Variants in PDPR observed in about 807,000 individuals in gnomAD.
PDPR encodes pyruvate dehydrogenase phosphatase regulatory subunit, mitochondrial.
PDPR carries 50 observed loss-of-function variants against 102.2 expected under a neutral mutation model. The observed-to-expected ratio is 0.49, with a 90% confidence interval of 0.39 to 0.62. The LOEUF is 0.62. Ranked by LOEUF, PDPR falls within the 20% of genes least tolerant of loss-of-function variation. PDPR has a pLI of 0.00. For synonymous variants in PDPR, 259 were observed against 406.0 expected (o/e 0.64, Z 4.35); for missense variants, 625 against 1,098.2 (o/e 0.57, Z 6.09).
chr16:70,144,700 T>C (rs948640264), intron 15 of PDPR, among the ~76,000 whole-genome samples, 167 bp downstream of exon 15: 1 of 152,272 alleles, frequency 6.6e-6, no homozygotes, highest in African/African-American at 2.4e-5. Flanking sequence ...CTGACACCTG[T>C]AATCCCAGCA....
intron 17 of PDPR, among the ~76,000 whole-genome samples, chr16:70,151,893 C>G (rs1042468519): frequency 2.0e-5 from 3 of 152,176 alleles, no homozygotes; most frequent in Admixed American, 2.0e-4. Flanking sequence ...GTGAGAAAAA[C>G]GAGTAAATGG....
At chr16:70,122,868 C>CACACACACACACACACACA (rs1555520799) in intron 3 of PDPR, among the ~76,000 whole-genome samples, 6 of 149,820 alleles carry the variant, frequency 4.0e-5, no homozygotes, top group East Asian at 1.9e-4. Flanking sequence ...CACACACACA[C>CACACACACACACACACACA]CAGTTTAGAC....
chr16:70,157,407 G>A lies in PDPR; in HGVS notation c.*528G>A, dbSNP rs921334950. Reference sequence around the variant, plus strand: ...TCTGCTGTGCTGTGGGCTGGCACTCGATACCTCTGGCAAGAGGATGATTAT... The same window carrying A: ...TCTGCTGTGCTGTGGGCTGGCACTCAATACCTCTGGCAAGAGGATGATTAT... On this transcript the variant is annotated 3_prime_UTR_variant, in exon 19 of 19. Coordinates refer to ENST00000288050, the MANE Select transcript of PDPR (RefSeq NM_017990.5). The A allele has an allele frequency of 8.3e-6, 3 of 360,046 alleles. No individual in the cohort carries two copies. Among genetic ancestry groups the A allele is most frequent in the South Asian group, 4.2e-5 (2 of 47,220 alleles). The allele number at this position is 360,046 out of a possible 1,614,324, so 22.3% of individuals were successfully genotyped here.
At chr16:70,139,830 TTCTGTGTTGGC>T (rs1185694514) in intron 11 of PDPR, among the ~76,000 whole-genome samples, 1 of 152,268 alleles carries the variant, frequency 6.6e-6, no homozygotes, top group Non-Finnish European at 1.5e-5. Context: ...AGGACTAAGT[TTCTGTGTTGGC>T]TCTGACCACC....
intron 17 of PDPR, among the ~76,000 whole-genome samples, chr16:70,152,787 C>T (rs1047834278): frequency 2.0e-5 from 3 of 152,290 alleles, no homozygotes; most frequent in African/African-American, 7.2e-5. Context: ...GGAAAACCTT[C>T]TGTTCACTGA....
chr16:70,133,421 C>CTTTTTT lies in PDPR; in HGVS notation c.997+1129_997+1134dup, dbSNP rs1162339028. Among the ~76,000 whole-genome samples the CTTTTTT allele has an allele frequency of 3.9e-5, 4 of 103,734 alleles. 1 individual carries two copies. The highest frequency in any genetic ancestry group is 7.3e-5 in the Non-Finnish European group (4 of 54,598). The allele number at this position is 103,734 out of a possible 152,430, so 68.1% of individuals were successfully genotyped here. A position where few individuals can be genotyped will look rare whatever the true frequency, so the allele number is the denominator to read the frequency against. On this transcript the variant is annotated intron_variant, in intron 9 of 18. Transcript: ENST00000288050. ...ACAGGCATGAGCCACTGCGTCTGGC[C>CTTTTTT]TTTTTTTTTTTTTGAGATAAGAGTC...
intron 18 of PDPR, 35 bp from the exon 19 acceptor site, chr16:70,156,440 T>C: frequency 6.2e-7 from 1 of 1,606,958 alleles, no homozygotes; most frequent in Non-Finnish European, 8.5e-7. Flanking sequence ...GGTCTGAGTG[T>C]CGCTGGATGA....
intron 18 of PDPR, among the ~76,000 whole-genome samples, chr16:70,154,974 C>T (rs1966961532): frequency 6.6e-6 from 1 of 152,158 alleles, no homozygotes; most frequent in South Asian, 2.1e-4. Context: ...GGCGGATCAC[C>T]TGAGTTCACA....
chr16:70,152,144 C>G (rs1017151096), intron 17 of PDPR, among the ~76,000 whole-genome samples: 1 of 152,226 alleles, frequency 6.6e-6, no homozygotes, highest in African/African-American at 2.4e-5. Context: ...CTGCACCCAC[C>G]TTGGCTGATT....
intron 15 of PDPR, among the ~76,000 whole-genome samples, chr16:70,144,757 C>A (rs1182987007): frequency 6.6e-6 from 1 of 152,228 alleles, no homozygotes; most frequent in Non-Finnish European, 1.5e-5. Flanking sequence ...GAGTTCGAGA[C>A]CAACCTGGAC....
In PDPR at chr16:70,121,993, T is replaced by TC. The variant is rs779643775; in HGVS notation, c.227+1275dup. 2.6e-3 allele frequency among the ~76,000 whole-genome samples: 388 copies of TC among 152,076 alleles called. 2 individuals carry two copies. Among genetic ancestry groups the TC allele is most frequent in the Admixed American group, 3.5e-3 (53 of 15,260 alleles). On this transcript the variant is annotated intron_variant, in intron 3 of 18. Transcript: ENST00000288050. ...GTTGCCTAGGCTGTTTTCTTTTCTTTCTTTTTTTTTTGAAATGGAGTCTGG... is the reference window on the plus strand; with the variant it reads ...GTTGCCTAGGCTGTTTTCTTTTCTTTCCTTTTTTTTTTGAAATGGAGTCTGG...
rs752015686 is a variant in PDPR, at chr16:70,156,655, T to C, written c.2416T>C (p.Tyr806His). 6.2e-7 allele frequency: 1 copy of C among 1,614,052 alleles called. No homozygotes were observed. The change falls in exon 19 of 19, where the codon TAC becomes CAC. Residue 806 changes from tyrosine (Y) to histidine (H), a missense_variant. Physicochemically the swap from Tyr to His is moderately conservative, Grantham distance 83 (BLOSUM62 2). Around this residue, in one of 11 missense-constraint regions of PDPR, gnomAD observed 303 missense variants for 258.9 expected, o/e 1.17. Coordinates refer to ENST00000288050, the MANE Select transcript of PDPR (RefSeq NM_017990.5). ...VGKTTSSAYS[Y>H]SLERHVCLGF... ...CAAGACCACCAGCAGTGCCTACAGC[T>C]ACAGCCTGGAGCGCCACGTTTGCCT... is the stretch of plus-strand genomic sequence containing the variant.
At position 70,156,899 on chromosome 16, in the gene PDPR, C is replaced by A; in HGVS notation, c.*20C>A. ...AAGTGATGCCACCAGGGCAGCCTCA[C>A]CTCCTCCCCATCATCTTGTCCTAGA... On this transcript the variant is annotated 3_prime_UTR_variant, in exon 19 of 19. Transcript: ENST00000288050. 2 of 1,609,552 alleles carry A rather than the reference C, an allele frequency of 1.2e-6. No homozygotes were observed. Among genetic ancestry groups the A allele is most frequent in the Non-Finnish European group, 1.7e-6 (2 of 1,177,952 alleles).
intron 17 of PDPR, 110 bp from the exon 18 acceptor site, chr16:70,153,281 C>A: frequency 1.7e-6 from 2 of 1,198,540 alleles, no homozygotes; most frequent in Non-Finnish European, 2.3e-6. Flanking sequence ...GAGTTTTATA[C>A]GCCTCCTCTC....
intron 3 of PDPR, among the ~76,000 whole-genome samples, chr16:70,120,973 G>C (rs1181425750): frequency 7.9e-6 from 1 of 127,328 alleles, no homozygotes; most frequent in Admixed American, 9.6e-5. Flanking sequence ...TGGTGTTTTG[G>C]TAGACAGGAT....
At chr16:70,128,315 C>T (rs1428664591) in intron 4 of PDPR, among the ~76,000 whole-genome samples, 24 of 152,318 alleles carry the variant, frequency 1.6e-4, no homozygotes, top group Middle Eastern at 3.4e-3. Context: ...GCAACCTCCA[C>T]CTCCTGGGTT....
intron 17 of PDPR, 109 bp from the exon 18 acceptor site, chr16:70,153,282 G>A (rs1299524703): frequency 5.9e-5 from 71 of 1,206,264 alleles, no homozygotes; most frequent in Non-Finnish European, 7.1e-5. Context: ...AGTTTTATAC[G>A]CCTCCTCTCT....
Position 70,157,396 on chromosome 16 carries a change from G to A in PDPR, c.*517G>A, listed in dbSNP as rs1967342507. 1 of 361,210 alleles carries A rather than the reference G, an allele frequency of 2.8e-6. No homozygotes were observed. The highest frequency in any genetic ancestry group is 2.1e-5 in the South Asian group (1 of 47,560). The allele number at this position is 361,210 out of a possible 1,614,324, so 22.4% of individuals were successfully genotyped here. On this transcript the variant is annotated 3_prime_UTR_variant, in exon 19 of 19. Transcript: ENST00000288050. ...CGTTCTCCTGTTCTGCTGTGCTGTG[G>A]GCTGGCACTCGATACCTCTGGCAAG...
At chr16:70,123,027 A>G (rs1963509795) in intron 3 of PDPR, among the ~76,000 whole-genome samples, 1 of 152,058 alleles carries the variant, frequency 6.6e-6, no homozygotes, top group Admixed American at 6.6e-5. Context: ...CAGGCTCCCA[A>G]GTAGCTGGGA....
Sources: gnomAD v4.1 joint callset for allele counts (sites outside exome capture counted in the v4.1 genomes callset) on GRCh38, gnomAD v4.1.1 for gene constraint, gnomAD v4.1.1 regional missense constraint, MANE v1.5 for transcripts, NCBI Gene and HGNC (gene_info 2026-07-23, HGNC 2026-07-21) for gene names.